The following ZFHX3 variants were observed in gnomAD, a reference collection of about 807,000 sequenced individuals.
ZFHX3 encodes zinc finger homeobox protein 3.
In ZFHX3, 42 loss-of-function variants were observed where a neutral mutation model predicts 279.1. The observed-to-expected ratio is 0.15, with a 90% confidence interval of 0.12 to 0.19. The LOEUF is 0.19. Among genes scored for constraint, ZFHX3 ranks in the 10% least tolerant of loss-of-function variants. ZFHX3 has a pLI of 1.00. For missense variants in ZFHX3, 4,981 were observed against 4,754.0 expected, an observed-to-expected ratio of 1.05 and a Z score of -1.40; for synonymous variants, 2,293 against 1,957.8, an observed-to-expected ratio of 1.17 and a Z score of -4.52.
upstream of ZFHX3, chr16:73,048,436 G>A (rs991736848): frequency 6.6e-6 from 1 of 151,890 alleles, no homozygotes; most frequent in Non-Finnish European, 1.5e-5. Context: ...CAGGCCGGGG[G>A]TCCCGCGCAC....
chr16:73,159,113 A>C (rs764734754), intron 5 of ZFHX3, among the ~76,000 whole-genome samples: 36 of 152,348 alleles, frequency 2.4e-4, no homozygotes, highest in Non-Finnish European at 4.8e-4. Context: ...TCTGCACAAC[A>C]AAAGAAACTG....
chr16:73,460,759 C>G (rs796865372), intron 2 of ZFHX3, among the ~76,000 whole-genome samples: 7 of 152,280 alleles, frequency 4.6e-5, no homozygotes, highest in African/African-American at 1.7e-4. Context: ...GCACCATCCA[C>G]TTTGTGCTGT....
At chr16:73,264,835 T>C (rs1428615020) in intron 4 of ZFHX3, among the ~76,000 whole-genome samples, 1 of 152,074 alleles carries the variant, frequency 6.6e-6, no homozygotes, top group Non-Finnish European at 1.5e-5. Context: ...CAATGTTTGG[T>C]TTTCCATTCT....
chr16:73,678,048 G>C (rs897276164), intron 2 of ZFHX3, among the ~76,000 whole-genome samples: 2 of 151,928 alleles, frequency 1.3e-5, no homozygotes, highest in African/African-American at 4.8e-5. Flanking sequence ...CAAAAGTAAA[G>C]AAAATTTTGT....
intron 5 of ZFHX3, among the ~76,000 whole-genome samples, chr16:73,235,894 C>T (rs1431849195): frequency 6.6e-6 from 1 of 152,204 alleles, no homozygotes; most frequent in Non-Finnish European, 1.5e-5. Context: ...TAGTCTTGAA[C>T]TCCTGGGCTC....
intron 3 of ZFHX3, among the ~76,000 whole-genome samples, chr16:73,449,078 A>G (rs1356028027): frequency 6.6e-6 from 1 of 152,198 alleles, no homozygotes; most frequent in Non-Finnish European, 1.5e-5. Flanking sequence ...TATGACACCT[A>G]TGAGTCCATG....
chr16:73,621,786 T>C (rs2052366235), intron 2 of ZFHX3, among the ~76,000 whole-genome samples: 1 of 152,130 alleles, frequency 6.6e-6, no homozygotes, highest in East Asian at 1.9e-4. Context: ...AGACCCCAGA[T>C]CTTCCATTAA....
At chr16:73,239,443 A>C (rs2013052172) in intron 5 of ZFHX3, among the ~76,000 whole-genome samples, 1 of 152,240 alleles carries the variant, frequency 6.6e-6, no homozygotes, top group African/African-American at 2.4e-5. Context: ...TACTATTAGA[A>C]AAATGGCCTG....
chr16:73,440,942 T>C (rs139525144), intron 3 of ZFHX3, among the ~76,000 whole-genome samples: 104 of 152,320 alleles, frequency 6.8e-4, no homozygotes, highest in African/African-American at 2.3e-3. Context: ...CAGATTTCCA[T>C]GAGAATGAAC....
chr16:73,068,130 G>A (rs1220574854), intron 8 of ZFHX3, among the ~76,000 whole-genome samples: 1 of 152,164 alleles, frequency 6.6e-6, no homozygotes, highest in African/African-American at 2.4e-5. Context: ...GGTATTATTA[G>A]TCCCATCTTA....
intron 5 of ZFHX3, among the ~76,000 whole-genome samples, chr16:73,188,306 G>A (rs1001222371): frequency 6.6e-5 from 10 of 151,414 alleles, no homozygotes; most frequent in East Asian, 3.9e-4. Flanking sequence ...GCGATCCTCC[G>A]GCCTCGGCCT....
intron 1 of ZFHX3, among the ~76,000 whole-genome samples, chr16:73,847,581 C>G (rs1330049094): frequency 6.6e-6 from 1 of 152,136 alleles, no homozygotes; most frequent in Non-Finnish European, 1.5e-5. Context: ...AATGAGCCAA[C>G]TTCAGCAAGT....
rs899120235 is a variant in ZFHX3, at chr16:72,785,726, A to T, written c.*1438T>A. The T allele has an allele frequency of 6.6e-6, 1 of 152,154 alleles. No individual in the cohort carries two copies. The highest frequency in any genetic ancestry group is 2.4e-5 in the African/African-American group (1 of 41,458). The allele number at this position is 152,154 out of a possible 1,614,324, so 9.4% of individuals were successfully genotyped here. On this transcript the variant is annotated 3_prime_UTR_variant, in exon 10 of 10. Transcript: ENST00000268489. ...CTTTTTTTAGAAAAGAAAAGTACAC[A>T]GCCAATTACACAAATGGAAACAAAT...
chr16:73,107,185 C>T (rs1966316104), intron 7 of ZFHX3, among the ~76,000 whole-genome samples: 1 of 152,118 alleles, frequency 6.6e-6, no homozygotes, highest in Middle Eastern at 3.4e-3. Context: ...TGGTGTGCAC[C>T]TGTAATCTCA....
intron 3 of ZFHX3, among the ~76,000 whole-genome samples, chr16:73,435,344 G>C (rs1054853419): frequency 6.6e-6 from 1 of 152,106 alleles, no homozygotes; most frequent in African/African-American, 2.4e-5. Context: ...AAGTAGCTGG[G>C]ACTACATGCG....
intron 7 of ZFHX3, among the ~76,000 whole-genome samples, chr16:73,112,715 CAAAAAAAAA>C (rs56149570): frequency 4.3e-4 from 13 of 30,268 alleles, no homozygotes; most frequent in Admixed American, 1.3e-3. Flanking sequence ...GACTCCATCT[CAAAAAAAAA>C]AAAAAAAAAA....
chr16:72,882,792 C>T (rs2038515016), intron 4 of ZFHX3, among the ~76,000 whole-genome samples: 1 of 152,166 alleles, frequency 6.6e-6, no homozygotes, highest in Non-Finnish European at 1.5e-5. Flanking sequence ...TAATGGCTCT[C>T]AGATTTCTTG....
intron 5 of ZFHX3, among the ~76,000 whole-genome samples, chr16:73,187,097 A>G (rs1967926477): frequency 1.3e-5 from 2 of 151,814 alleles, no homozygotes; most frequent in African/African-American, 4.8e-5. Context: ...CTTTCTCTCA[A>G]GAAGAGGGTT....
chr16:72,849,337 G>T (rs777125750), intron 4 of ZFHX3, among the ~76,000 whole-genome samples: 5 of 152,188 alleles, frequency 3.3e-5, no homozygotes, highest in Admixed American at 2.6e-4. Context: ...CAGCAGGTAG[G>T]GGGACAAAAG....
Sources: gnomAD v4.1 joint callset for allele counts (sites outside exome capture counted in the v4.1 genomes callset) on GRCh38, gnomAD v4.1.1 for gene constraint, MANE v1.5 for transcripts, NCBI Gene and HGNC (gene_info 2026-07-23, HGNC 2026-07-21) for gene names.